The following INO80C variants were observed in gnomAD, a reference collection of about 807,000 sequenced individuals.
INO80C encodes INO80 complex subunit C, also known as IES6 homolog.
In INO80C, 17 loss-of-function variants were observed where a neutral mutation model predicts 17.7. The ratio of observed to expected loss-of-function variants is 0.96; its 90% CI spans 0.66 to 1.44. The LOEUF (loss-of-function observed/expected upper bound fraction) is 1.44. Among genes scored for constraint, INO80C ranks in the 40% most tolerant of loss-of-function variants. The pLI is 0.00. For missense variants in INO80C, 244 were observed against 245.0 expected (o/e 1.00, Z 0.03); for synonymous variants, 96 against 95.8 (o/e 1.00, Z -0.01).
chr18:35,491,987 C>T (rs1394025821), intron 1 of INO80C, among the ~76,000 whole-genome samples: 1 of 152,202 alleles, frequency 6.6e-6, no homozygotes, highest in African/African-American at 2.4e-5. Flanking sequence ...AGGCCTGGGT[C>T]TCGCCCTGCT....
Position 35,468,626 on chromosome 18 carries a change from C to CG in INO80C, c.563dup (p.Ser189GlufsTer52), listed in dbSNP as rs753644344. The CG allele has an allele frequency of 5.9e-5, 95 of 1,613,916 alleles. No individual in the cohort carries two copies. The highest frequency in any genetic ancestry group is 8.5e-6 in the Non-Finnish European group (10 of 1,180,006). On this transcript the variant is annotated frameshift_variant, in exon 5 of 5. Transcript: ENST00000334598. LOFTEE classifies it high-confidence loss of function. ...TTTCTGGGGCTCAGGGAACGATGCT[C>CG]GTGGCCTTCCTCAGGGCCAGGTAGC...
intron 1 of INO80C, 82 bp downstream of exon 1, chr18:35,497,614 CCGCACGCGCAGCGCCCCACATTA>C (rs1275747543): frequency 1.4e-6 from 2 of 1,467,542 alleles, no homozygotes; most frequent in South Asian, 1.4e-5. Context: ...CCAACGGAGA[CCGCACGCGCAGCGCCCCACATTA>C]CGCACGCGCC....
At chr18:35,482,034 G>A (rs912553288) in intron 1 of INO80C, among the ~76,000 whole-genome samples, 6 of 152,098 alleles carry the variant, frequency 3.9e-5, no homozygotes, top group Admixed American at 3.3e-4. Flanking sequence ...GTGGACGTTC[G>A]GTTCATTATC....
intron 2 of INO80C, among the ~76,000 whole-genome samples, chr18:35,479,687 C>G (rs1418228707): frequency 6.6e-6 from 1 of 151,784 alleles, no homozygotes; most frequent in African/African-American, 2.4e-5. Context: ...AAAAAAAAAG[C>G]CTTTATTGGG....
At chr18:35,486,737 C>T (rs2045878673) in intron 1 of INO80C, among the ~76,000 whole-genome samples, 1 of 138,818 alleles carries the variant, frequency 7.2e-6, no homozygotes, top group African/African-American at 2.8e-5. Context: ...TTGTGTCTGG[C>T]AATAGCCACT....
intron 1 of INO80C, among the ~76,000 whole-genome samples, chr18:35,496,430 A>C (rs2045981951): frequency 6.6e-6 from 1 of 152,234 alleles, no homozygotes. Context: ...GTGGCTGAAC[A>C]GTGGGTAACT....
chr18:35,477,622 G>T (rs1319359003), intron 4 of INO80C, among the ~76,000 whole-genome samples: 2 of 152,138 alleles, frequency 1.3e-5, no homozygotes, highest in Admixed American at 1.3e-4. Context: ...TGAATCTTAG[G>T]TTCCACCTTC....
In INO80C at chr18:35,468,457, A is replaced by G. The variant is rs1368716366; in HGVS notation, c.*154T>C. The G allele has an allele frequency of 2.6e-5, 39 of 1,474,086 alleles. No individual in the cohort carries two copies. In the East Asian group the frequency reaches 9.0e-4, roughly 34 times the overall value. 91.3% of individuals were successfully genotyped at this position (1,474,086 alleles called of 1,614,324 possible). A position where few individuals can be genotyped will look rare whatever the true frequency, so the allele number is the denominator to read the frequency against. On this transcript the variant is annotated 3_prime_UTR_variant, in exon 5 of 5. Transcript: ENST00000334598. ...GAGGGAAAACACACACTAAAAAAAA[A>G]AAAAACCCTTAAATTAAAGCCAAAC...
chr18:35,478,189 G>GA (rs1041584914), intron 4 of INO80C, 93 bp downstream of exon 4: 1 of 969,514 alleles, frequency 1.0e-6, no homozygotes, highest in African/African-American at 1.6e-5. Flanking sequence ...CTCCAGGCAG[G>GA]ACCAGCCATG....
intron 4 of INO80C, among the ~76,000 whole-genome samples, chr18:35,470,794 T>C (rs2039475137): frequency 6.6e-6 from 1 of 152,226 alleles, no homozygotes; most frequent in African/African-American, 2.4e-5. Context: ...GGATTCTGAA[T>C]AGAAGGAAGG....
intron 2 of INO80C, 102 bp downstream of exon 2, chr18:35,480,351 G>A: frequency 3.8e-6 from 3 of 790,302 alleles, no homozygotes; most frequent in East Asian, 2.4e-5. Context: ...TGAGACTGAG[G>A]GAGGAGAGAA....
intron 4 of INO80C, among the ~76,000 whole-genome samples, chr18:35,475,841 G>A (rs948745115): frequency 6.6e-6 from 1 of 152,024 alleles, no homozygotes; most frequent in Non-Finnish European, 1.5e-5. Context: ...GAAAAAAGGT[G>A]GAAACAGAAT....
intron 4 of INO80C, among the ~76,000 whole-genome samples, chr18:35,477,984 A>G (rs1025375071): frequency 2.0e-5 from 3 of 152,240 alleles, no homozygotes; most frequent in African/African-American, 7.2e-5. Flanking sequence ...CAGGTTTTTA[A>G]AACTTCAGCA....
At chr18:35,487,287 A>G in intron 1 of INO80C, 1 of 272,122 alleles carries the variant, frequency 3.7e-6, no homozygotes, top group African/African-American at 2.3e-5. Context: ...AGTACTCTTC[A>G]AGTGTCAAGG....
intron 2 of INO80C, 109 bp from the exon 3 acceptor site, chr18:35,479,520 C>G: frequency 1.5e-6 from 1 of 675,524 alleles, no homozygotes; most frequent in Non-Finnish European, 2.6e-6. Flanking sequence ...CATCTGTCAA[C>G]AATCATTAAG....
chr18:35,495,797 T>C lies in INO80C; in HGVS notation c.156+1922A>G, dbSNP rs962525785. On this transcript the variant is annotated intron_variant, in intron 1 of 4. Transcript: ENST00000334598. The stretch of plus-strand genomic sequence containing the variant: ...AAAGGAGTCTAATCAAGAAAGATAA[T>C]GTAATGAACTTCTACACATCAATAT... Among the ~76,000 whole-genome samples, 22 of 152,242 alleles carry C rather than the reference T, an allele frequency of 1.4e-4. 1 individual carries two copies. Among genetic ancestry groups the C allele is most frequent in the African/African-American group, 5.1e-4 (21 of 41,560 alleles).
chr18:35,471,935 T>C (rs963305533), intron 4 of INO80C, among the ~76,000 whole-genome samples: 58 of 152,338 alleles, frequency 3.8e-4, no homozygotes, highest in Non-Finnish European at 8.8e-5. Flanking sequence ...CATGAACTCA[T>C]CATTTTTTAT....
chr18:35,479,224 T>G (rs2045775773), intron 3 of INO80C, 76 bp downstream of exon 3: 1 of 908,768 alleles, frequency 1.1e-6, no homozygotes, highest in African/African-American at 1.7e-5. Context: ...GCAAACACAA[T>G]ACAATAATGT....
chr18:35,478,997 G>A (rs2045772770), intron 3 of INO80C: 5 of 238,876 alleles, frequency 2.1e-5, no homozygotes, highest in Admixed American at 5.3e-5. Context: ...CTTGTTTTTG[G>A]AAACACATTT....
Sources: gnomAD v4.1 joint callset for allele counts (sites outside exome capture counted in the v4.1 genomes callset) on GRCh38, gnomAD v4.1.1 for gene constraint, MANE v1.5 for transcripts, NCBI Gene and HGNC (gene_info 2026-07-23, HGNC 2026-07-21) for gene names.